Variants in ING5 observed in about 807,000 individuals in gnomAD.
ING5 encodes the protein inhibitor of growth protein 5.
Under a neutral mutation model 37.4 loss-of-function variants are expected in ING5, and 17 were observed. The ratio of observed to expected loss-of-function variants is 0.45; its 90% CI spans 0.31 to 0.68. The LOEUF (loss-of-function observed/expected upper bound fraction) is 0.68. Among genes scored for constraint, ING5 ranks in the 30% least tolerant of loss-of-function variants. The pLI, the probability that ING5 is intolerant of heterozygous loss-of-function variation, is 0.05. For missense variants in ING5, 233 were observed against 311.9 expected, an observed-to-expected ratio of 0.75 and a Z score of 1.91; for synonymous variants, 123 against 116.6, an observed-to-expected ratio of 1.06 and a Z score of -0.36.
chr2:241,721,484 G>A (rs377313411), intron 5 of ING5: 19 of 985,584 alleles, frequency 1.9e-5, no homozygotes, highest in African/African-American at 1.9e-4. Flanking sequence ...TGCTGAGCCC[G>A]AGTGTGTGTG....
At chr2:241,687,437 A>G (rs532862606) in exon 1 of ING5, 8 of 398,738 alleles carry the variant, frequency 2.0e-5, no homozygotes, top group Non-Finnish European at 3.5e-5. Flanking sequence ...GCCACGTGGC[A>G]ATTGTAGGAG....
intron 5 of ING5, among the ~76,000 whole-genome samples, chr2:241,718,794 A>C (rs2070350135): frequency 6.6e-6 from 1 of 152,122 alleles, no homozygotes; most frequent in South Asian, 2.1e-4. Flanking sequence ...TCATGCCTGT[A>C]ATCTCAGCAC....
Position 241,725,254 on chromosome 2 carries a change from A to G in ING5, c.*223A>G. The G allele has an allele frequency of 1.7e-6, 1 of 574,140 alleles. No individual in the cohort carries two copies. The highest frequency in any genetic ancestry group is 3.1e-6 in the Non-Finnish European group (1 of 318,902). 35.6% of individuals were successfully genotyped at this position (574,140 alleles called of 1,614,324 possible). On this transcript the variant is annotated 3_prime_UTR_variant, in exon 8 of 8. Coordinates refer to ENST00000313552, the MANE Select transcript of ING5 (RefSeq NM_032329.6). ...GCCGCGACCTCAGTGTGGCTTTTAC[A>G]GGACTCCCCCCGAGCATCAGCAGGG...
At chr2:241,694,428 G>T (rs2069602343) in intron 2 of ING5, 1 of 151,790 alleles carries the variant, frequency 6.6e-6, no homozygotes, top group South Asian at 2.1e-4. Flanking sequence ...GGGCGACAGA[G>T]CGAGACTCCA....
chr2:241,687,297 C>G (rs1220423033), exon 1 of ING5: 1 of 398,428 alleles, frequency 2.5e-6, no homozygotes, highest in Non-Finnish European at 4.4e-6. Flanking sequence ...AGATGCTTCC[C>G]GAAGCGCGGG....
rs552948308 is a variant in ING5, at chr2:241,725,712, G to A, written c.*681G>A. On this transcript the variant is annotated 3_prime_UTR_variant, in exon 8 of 8. Coordinates refer to ENST00000313552, the MANE Select transcript of ING5 (RefSeq NM_032329.6). ...TTAGCTTGGAGTGGCCGCAGGTCCC[G>A]TGACCAGCACCCGCGAGACCCTGTG... The A allele has an allele frequency of 3.3e-5, 5 of 152,760 alleles. No individual in the cohort carries two copies. The highest frequency in any genetic ancestry group is 2.0e-4 in the Admixed American group (3 of 15,302). The allele number at this position is 152,760 out of a possible 1,614,324, so 9.5% of individuals were successfully genotyped here. A position where few individuals can be genotyped will look rare whatever the true frequency, so the allele number is the denominator to read the frequency against.
upstream of ING5, among the ~76,000 whole-genome samples, chr2:241,701,488 C>G (rs2124869098): frequency 6.6e-6 from 1 of 152,292 alleles, no homozygotes; most frequent in South Asian, 2.1e-4. Context: ...GGCGCCAGGG[C>G]CCAGGCCCTG....
Position 241,693,652 on chromosome 2 carries a change from C to CTTTTTTTT in ING5, c.43+3015_43+3022dup, listed in dbSNP as rs1185556171. Among the ~76,000 whole-genome samples, 9 of 78,566 alleles carry CTTTTTTTT rather than the reference C, an allele frequency of 1.1e-4. 1 individual carries two copies. Among genetic ancestry groups the CTTTTTTTT allele is most frequent in the Admixed American group, 4.0e-4 (2 of 4,984 alleles). 51.5% of individuals were successfully genotyped at this position (78,566 alleles called of 152,430 possible). On this transcript the variant is annotated intron_variant, in intron 2 of 7. Transcript: ENST00000636051. ...AGTTGTTGCACTGAGAAATACAACTCTTTTTTTTTTTTTTTTTTTTTTTGA... is the reference window on the plus strand; with the variant it reads ...AGTTGTTGCACTGAGAAATACAACTCTTTTTTTTTTTTTTTTTTTTTTTTTTTTTTTGA...
At chr2:241,706,629 A>AG (rs2069920338) in intron 2 of ING5, among the ~76,000 whole-genome samples, 1 of 147,014 alleles carries the variant, frequency 6.8e-6, no homozygotes, top group Non-Finnish European at 1.5e-5. Flanking sequence ...CCATCTCAAA[A>AG]AAAAAAAAAA....
At chr2:241,712,776 C>T (rs1015654914) in intron 5 of ING5, among the ~76,000 whole-genome samples, 7 of 151,998 alleles carry the variant, frequency 4.6e-5, no homozygotes, top group African/African-American at 7.2e-5. Context: ...CTATAATTCC[C>T]GCACTTTGGG....
intron 2 of ING5, among the ~76,000 whole-genome samples, chr2:241,707,439 C>T (rs370781141): frequency 2.6e-5 from 4 of 152,036 alleles, no homozygotes; most frequent in East Asian, 1.9e-4. Context: ...TACAGGCATG[C>T]GCCACCACAC....
intron 2 of ING5, among the ~76,000 whole-genome samples, chr2:241,696,011 T>C (rs1177749232): frequency 6.6e-6 from 1 of 152,040 alleles, no homozygotes; most frequent in Non-Finnish European, 1.5e-5. Flanking sequence ...GGCAAGAAGA[T>C]TGCTTGAGCC....
At chr2:241,698,081 T>TG (rs2069656250), upstream of ING5, among the ~76,000 whole-genome samples, 1 of 70,252 alleles carries the variant, frequency 1.4e-5, no homozygotes, top group Non-Finnish European at 2.8e-5. Flanking sequence ...AGGCTCCATC[T>TG]CAAAAAAAAA....
At chr2:241,702,237 G>T (rs1575119790) in intron 1 of ING5, 135 bp downstream of exon 1, 1 of 223,964 alleles carries the variant, frequency 4.5e-6, no homozygotes, top group Non-Finnish European at 7.4e-6. Flanking sequence ...GCGACGGGGG[G>T]CGCGCGGACG....
chr2:241,708,689 C>G (rs2070002798), intron 2 of ING5, among the ~76,000 whole-genome samples: 1 of 152,154 alleles, frequency 6.6e-6, no homozygotes, highest in Non-Finnish European at 1.5e-5. Flanking sequence ...TGCTGAGTAG[C>G]ACTCTGTTGT....
rs1370365439 is a variant in ING5 at position 241,728,789 on chromosome 2, C to G, written c.*3758C>G. The stretch of plus-strand genomic sequence containing the variant: ...GAGCAGCAGCTGACCGCCCGTCTCA[C>G]TGTTGGCCAGGGCTTTGTGGCGTGG... On this transcript the variant is annotated 3_prime_UTR_variant, in exon 8 of 8. Coordinates refer to ENST00000313552, the MANE Select transcript of ING5 (RefSeq NM_032329.6). The G allele has an allele frequency of 1.3e-5, 2 of 152,360 alleles. No individual in the cohort carries two copies. Among genetic ancestry groups the G allele is most frequent in the Non-Finnish European group, 2.9e-5 (2 of 68,134 alleles). The allele number at this position is 152,360 out of a possible 1,614,324, so 9.4% of individuals were successfully genotyped here.
intron 5 of ING5, among the ~76,000 whole-genome samples, chr2:241,719,272 G>A (rs909392722): frequency 7.9e-5 from 12 of 152,324 alleles, no homozygotes; most frequent in Non-Finnish European, 1.5e-4. Context: ...CGGTGGGGAC[G>A]CGGCCGCCAT....
intron 1 of ING5, among the ~76,000 whole-genome samples, chr2:241,704,393 C>T (rs570481302): frequency 2.8e-4 from 43 of 152,204 alleles, no homozygotes; most frequent in African/African-American, 9.4e-4. Context: ...CCTTGTGAAA[C>T]CCCGTCTCAA....
intron 5 of ING5, chr2:241,722,273 T>G (rs900773757): frequency 1.0e-6 from 1 of 985,404 alleles, no homozygotes. Flanking sequence ...TGTGCTTGTT[T>G]CCAAAGGGGC....
Sources: allele counts gnomAD v4.1 joint callset (sites outside exome capture counted in the v4.1 genomes callset), GRCh38; gene constraint gnomAD v4.1.1; transcripts MANE v1.5; gene names NCBI Gene and HGNC (gene_info 2026-07-23, HGNC 2026-07-21).